The following IQCM variants were observed in gnomAD, a reference collection of about 807,000 sequenced individuals.
IQCM encodes the protein IQ domain-containing protein M.
Under a neutral mutation model 57.6 loss-of-function variants are expected in IQCM, and 45 were observed. That is an observed-to-expected ratio of 0.78 (90% CI 0.62 to 1.00). The LOEUF (loss-of-function observed/expected upper bound fraction) is 1.00. IQCM is among the 50% of genes least tolerant of loss of function. The pLI is 0.00. For missense variants in IQCM, 468 were observed against 511.6 expected (o/e 0.91, Z 0.82); for synonymous variants, 148 against 158.9 (o/e 0.93, Z 0.51).
At position 149,668,488 on chromosome 4, in the gene IQCM, A is replaced by T. The variant is rs564552007; in HGVS notation, c.565+13630T>A. Among the ~76,000 whole-genome samples, 81 of 152,198 alleles carry T rather than the reference A, an allele frequency of 5.3e-4. 2 individuals are homozygous for T. In the South Asian group the frequency reaches 0.015, roughly 28 times the overall value. On this transcript the variant is annotated intron_variant, in intron 7 of 13. Coordinates refer to ENST00000636793, the MANE Select transcript of IQCM (RefSeq NM_001363507.2). ...TGCAAACACATACCACAATGTAAAG[A>T]CCATCAACATTGCCTCTCAGGGCAG...
chr4:149,680,614 T>C (rs367775009), intron 7 of IQCM, among the ~76,000 whole-genome samples: 13 of 151,506 alleles, frequency 8.6e-5, no homozygotes, highest in East Asian at 7.8e-4. Flanking sequence ...GTATGTGTCA[T>C]GCACTGGAAT....
rs572349964 is a variant in IQCM, at chr4:149,538,123, T to A, written c.1228+10332A>T. Among the ~76,000 whole-genome samples, 65 of 151,656 alleles carry A rather than the reference T, an allele frequency of 4.3e-4. 2 individuals carry two copies. Among genetic ancestry groups the A allele is most frequent in the African/African-American group, 1.5e-3 (62 of 41,502 alleles). ...TATATATAACAGTATAAAAGATATC[T>A]GCAAATGTCTTCTCTTAACTCCTTT... is the stretch of plus-strand genomic sequence containing the variant. On this transcript the variant is annotated intron_variant, in intron 12 of 13. Transcript: ENST00000636793.
intron 12 of IQCM, among the ~76,000 whole-genome samples, chr4:149,539,369 C>T (rs772194891): frequency 5.9e-5 from 9 of 152,060 alleles, no homozygotes; most frequent in Non-Finnish European, 1.0e-4. Context: ...GCTGTCTAGT[C>T]GTTGTCTGGG....
chr4:149,524,100 C>G (rs573096316), intron 12 of IQCM, among the ~76,000 whole-genome samples: 2 of 152,076 alleles, frequency 1.3e-5, no homozygotes, highest in Admixed American at 1.3e-4. Flanking sequence ...AAATGTAATA[C>G]TGTTATATAC....
At chr4:149,787,170 T>G (rs1211192655) in intron 2 of IQCM, among the ~76,000 whole-genome samples, 1 of 151,886 alleles carries the variant, frequency 6.6e-6, no homozygotes, top group African/African-American at 2.4e-5. Context: ...TACTAGGGCC[T>G]GTTGGGGGAT....
At chr4:149,650,581 G>A (rs1288540493) in intron 7 of IQCM, among the ~76,000 whole-genome samples, 1 of 151,886 alleles carries the variant, frequency 6.6e-6, no homozygotes, top group African/African-American at 2.4e-5. Flanking sequence ...GGAGAGACAG[G>A]GTTTCACCAT....
rs187342786 is a variant in IQCM at position 149,563,847 on chromosome 4, C to T, written c.793G>A (p.Val265Ile). 8.9e-6 allele frequency: 11 copies of T among 1,231,664 alleles called. No homozygotes were observed. The East Asian group carries it at 3.5e-4, about 39-fold the overall frequency. The allele number at this position is 1,231,664 out of a possible 1,614,324, so 76.3% of individuals were successfully genotyped here. The change falls in exon 10 of 14, where the codon GTT (valine) becomes ATT (isoleucine). Residue 265 changes from valine (V) to isoleucine (I), a missense_variant. Coordinates refer to ENST00000636793, the MANE Select transcript of IQCM (RefSeq NM_001363507.2). ...TCTATGTGTGGTCCAATTCTTTTAA[C>T]TTTACTGTCAAGTTTATCAGTTTTA... ...PNKTDKLDSK[V>I]KRIGPHIEIF... is the part of the protein sequence containing the mutation.
At chr4:149,486,200 C>G (rs985650521) in intron 12 of IQCM, among the ~76,000 whole-genome samples, 4 of 152,152 alleles carry the variant, frequency 2.6e-5, no homozygotes, top group Non-Finnish European at 4.4e-5. Context: ...CCCTTCTCTT[C>G]AGGGCATCAA....
chr4:149,454,877 G>C (rs1023740654), intron 12 of IQCM, among the ~76,000 whole-genome samples: 2 of 151,936 alleles, frequency 1.3e-5, no homozygotes, highest in Non-Finnish European at 2.9e-5. Context: ...GTAGGGGATG[G>C]GGAGTGACTG....
At chr4:149,427,411 C>G (rs949583455) in intron 13 of IQCM, among the ~76,000 whole-genome samples, 2 of 151,890 alleles carry the variant, frequency 1.3e-5, no homozygotes, top group African/African-American at 4.8e-5. Context: ...TTTTCTTTAT[C>G]TAATAGACCT....
rs539470637 is a variant in IQCM, at chr4:149,696,457, T to C, written c.386-9989A>G. Among the ~76,000 whole-genome samples, 227 of 152,234 alleles carry C rather than the reference T, an allele frequency of 1.5e-3. 1 individual carries two copies. Among genetic ancestry groups the C allele is most frequent in the African/African-American group, 5.2e-3 (218 of 41,550 alleles). On this transcript the variant is annotated intron_variant, in intron 5 of 13. Coordinates refer to ENST00000636793, the MANE Select transcript of IQCM (RefSeq NM_001363507.2). ...GCCAGCCTTTTTGTTTATGTTAACT[T>C]CACTTATTCCTTAGGAAATTTCATC...
At chr4:149,781,555 T>C (rs1489281449) in intron 2 of IQCM, among the ~76,000 whole-genome samples, 1 of 152,224 alleles carries the variant, frequency 6.6e-6, no homozygotes, top group African/African-American at 2.4e-5. Flanking sequence ...GATGCTGGTA[T>C]ATTGTTATAG....
intron 3 of IQCM, among the ~76,000 whole-genome samples, chr4:149,740,101 T>C (rs1488256062): frequency 3.3e-5 from 5 of 152,326 alleles, no homozygotes; most frequent in South Asian, 4.1e-4. Context: ...TAAAAACAAC[T>C]GGCCATACTC....
chr4:149,393,508 T>C lies in IQCM; in HGVS notation c.1390+39888A>G, dbSNP rs184317469. 2.4e-4 allele frequency among the ~76,000 whole-genome samples: 36 copies of C among 151,884 alleles called. No individual in the cohort carries two copies. In the East Asian group the frequency reaches 6.4e-3, roughly 27 times the overall value. On this transcript the variant is annotated intron_variant, in intron 13 of 13. Coordinates refer to ENST00000636793, the MANE Select transcript of IQCM (RefSeq NM_001363507.2). ...TCTAAAAAATAGTGGATAAGAATTTTTAAGAACATAAAGATATATAGAAAT... is the reference window on the plus strand; with the variant it reads ...TCTAAAAAATAGTGGATAAGAATTTCTAAGAACATAAAGATATATAGAAAT...
At chr4:149,587,722 TACTA>T (rs1036644580) in intron 9 of IQCM, among the ~76,000 whole-genome samples, 6 of 151,980 alleles carry the variant, frequency 3.9e-5, no homozygotes, top group African/African-American at 1.4e-4. Context: ...CAGCTGGGTC[TACTA>T]ACTGATTACT....
intron 8 of IQCM, among the ~76,000 whole-genome samples, chr4:149,619,339 G>A (rs1461475960): frequency 6.6e-6 from 1 of 151,954 alleles, no homozygotes; most frequent in East Asian, 1.9e-4. Context: ...TGGGAGGATG[G>A]GAAAGGGGTG....
chr4:149,809,121 C>A (rs1774331646), intron 2 of IQCM, among the ~76,000 whole-genome samples: 1 of 151,920 alleles, frequency 6.6e-6, no homozygotes, highest in African/African-American at 2.4e-5. Context: ...TTGAAGGTAT[C>A]AACAAGTTCA....
chr4:149,390,159 A>C (rs902309672), intron 13 of IQCM, among the ~76,000 whole-genome samples: 2 of 152,054 alleles, frequency 1.3e-5, no homozygotes, highest in African/African-American at 4.8e-5. Context: ...CTTTCAGTAC[A>C]CAAGTATTGT....
At chr4:149,712,776 T>C (rs1352279518) in intron 5 of IQCM, among the ~76,000 whole-genome samples, 3 of 152,204 alleles carry the variant, frequency 2.0e-5, no homozygotes, top group Non-Finnish European at 2.9e-5. Flanking sequence ...TTTTGGAAGA[T>C]TGTTCATGTC....
Sources: allele counts gnomAD v4.1 joint callset (sites outside exome capture counted in the v4.1 genomes callset), GRCh38; gene constraint gnomAD v4.1.1; transcripts MANE v1.5; gene names NCBI Gene and HGNC (gene_info 2026-07-23, HGNC 2026-07-21).